DYSF: variants seen among roughly 807,000 people sequenced by gnomAD.
The protein encoded by DYSF is dysferlin, also known as dystrophy-associated fer-1-like 1.
Under a neutral mutation model 274.9 loss-of-function variants are expected in DYSF, and 212 were observed. The ratio of observed to expected loss-of-function variants is 0.77; its 90% CI spans 0.69 to 0.86. DYSF has a LOEUF of 0.86. Ranked by LOEUF, DYSF falls within the 40% of genes least tolerant of loss-of-function variation. The pLI is 0.00. For synonymous variants in DYSF, 1,091 were observed against 1,078.7 expected (o/e 1.01, Z -0.22); for missense variants, 2,666 against 2,783.2 (o/e 0.96, Z 0.95).
intron 30 of DYSF, among the ~76,000 whole-genome samples, chr2:71,582,495 A>G (rs980971846): frequency 6.6e-6 from 1 of 152,124 alleles, no homozygotes; most frequent in Non-Finnish European, 1.5e-5. Flanking sequence ...GAAAAATTTT[A>G]TGGATAATGG....
intron 3 of DYSF, among the ~76,000 whole-genome samples, chr2:71,496,709 G>A (rs558520287): frequency 1.3e-5 from 2 of 152,114 alleles, no homozygotes; most frequent in South Asian, 4.1e-4. Context: ...TGGTAAGTGA[G>A]GAGTCCTTTA....
chr2:71,490,845 T>C (rs1337525114), intron 3 of DYSF, among the ~76,000 whole-genome samples: 1 of 152,244 alleles, frequency 6.6e-6, no homozygotes, highest in Non-Finnish European at 1.5e-5. Flanking sequence ...TTTACCCCAC[T>C]GTACTCTCAT....
At chr2:71,460,758 A>G (rs2081249304) in intron 1 of DYSF, among the ~76,000 whole-genome samples, 1 of 151,720 alleles carries the variant, frequency 6.6e-6, no homozygotes, top group Middle Eastern at 3.2e-3. Flanking sequence ...ATGTGGGGAG[A>G]CCCTTTTCCT....
chr2:71,512,387 A>G (rs995689791), intron 5 of DYSF, among the ~76,000 whole-genome samples: 1 of 152,168 alleles, frequency 6.6e-6, no homozygotes, highest in Non-Finnish European at 1.5e-5. Context: ...AGAGCCCTGA[A>G]CTGAACTTCA....
At chr2:71,553,697 A>C in intron 20 of DYSF, 110 bp from the exon 21 acceptor site, 1 of 1,224,238 alleles carries the variant, frequency 8.2e-7, no homozygotes, top group South Asian at 1.3e-5. Context: ...TCCCTTTCCC[A>C]GCTCTGCCAG....
chr2:71,493,315 A>G (rs1410653507), intron 3 of DYSF, among the ~76,000 whole-genome samples: 1 of 152,108 alleles, frequency 6.6e-6, no homozygotes, highest in African/African-American at 2.4e-5. Context: ...TGTGGTCCAT[A>G]TTGAATTTAG....
rs778185705 is a variant in DYSF, at chr2:71,644,027, C to T, written c.4590C>T (p.Cys1530=). 28 of 1,611,896 alleles carry T rather than the reference C, an allele frequency of 1.7e-5. No individual in the cohort carries two copies. Among genetic ancestry groups the T allele is most frequent in the Middle Eastern group, 1.6e-4 (1 of 6,074 alleles). ...FFASIGEREK[C]GSYLEKDFDT... Reference sequence around the variant, plus strand: ...CCTCCATAGGGGAGAGGGAAAAGTGCGGCTCCTACCTGGAGAAGGATTTTG... The same window carrying T: ...CCTCCATAGGGGAGAGGGAAAAGTGTGGCTCCTACCTGGAGAAGGATTTTG... The change falls in exon 42 of 56, where the codon TGC becomes TGT. Residue 1530 remains cysteine, a synonymous_variant. Coordinates refer to ENST00000410020, the MANE Select transcript of DYSF (RefSeq NM_001130987.2).
chr2:71,527,696 C>T (rs1426527139), intron 13 of DYSF, among the ~76,000 whole-genome samples: 29 of 152,166 alleles, frequency 1.9e-4, no homozygotes, highest in Non-Finnish European at 2.9e-5. Flanking sequence ...TATCCCCCTC[C>T]ACTTACTTAC....
At chr2:71,589,083 G>GCCTGAGCCTTGCTCAC (rs1281159595) in intron 30 of DYSF, among the ~76,000 whole-genome samples, 3 of 152,210 alleles carry the variant, frequency 2.0e-5, no homozygotes, top group Non-Finnish European at 2.9e-5. Context: ...TCTGTCCTCA[G>GCCTGAGCCTTGCTCAC]CCTGAGCCTT....
chr2:71,456,946 T>G (rs1255391711), intron 1 of DYSF, among the ~76,000 whole-genome samples: 1 of 152,000 alleles, frequency 6.6e-6, no homozygotes, highest in East Asian at 1.9e-4. Context: ...AGAAGCTGAG[T>G]CAGAGTAGGG....
chr2:71,589,455 A>G (rs925042194), intron 30 of DYSF, 138 bp from the exon 31 acceptor site: 4 of 723,580 alleles, frequency 5.5e-6, no homozygotes, highest in African/African-American at 1.7e-5. Flanking sequence ...GCTCCCCAGA[A>G]TGAAATTAGA....
At chr2:71,666,227 C>T (rs1304119471) in intron 47 of DYSF, among the ~76,000 whole-genome samples, 5 of 152,200 alleles carry the variant, frequency 3.3e-5, no homozygotes, top group Non-Finnish European at 7.3e-5. Context: ...GGCCATGGCT[C>T]ATGGTCATAA....
chr2:71,609,180 C>A (rs577075547), intron 36 of DYSF, among the ~76,000 whole-genome samples: 1 of 152,334 alleles, frequency 6.6e-6, no homozygotes, highest in South Asian at 2.1e-4. Flanking sequence ...CTGCCTCCAT[C>A]CTCCAAGGGC....
At chr2:71,677,849 C>A (rs1438120658) in intron 52 of DYSF, among the ~76,000 whole-genome samples, 1 of 152,072 alleles carries the variant, frequency 6.6e-6, no homozygotes, top group Non-Finnish European at 1.5e-5. Flanking sequence ...TGTGTGTGTA[C>A]CCCAAAGAAT....
chr2:71,558,828 A>T (rs950876550), intron 22 of DYSF, among the ~76,000 whole-genome samples: 2 of 152,100 alleles, frequency 1.3e-5, no homozygotes, highest in Non-Finnish European at 2.9e-5. Flanking sequence ...CTGGGGGGGA[A>T]TTCCAGGCAG....
rs147886481 is a variant in DYSF, at chr2:71,574,198, C to T, written c.3229C>T (p.His1077Tyr). 1 of 1,613,394 alleles carries T rather than the reference C, an allele frequency of 6.2e-7. No individual in the cohort carries two copies. Among genetic ancestry groups the T allele is most frequent in the African/African-American group, 1.3e-5 (1 of 74,934 alleles). ...TGAGTCTGCCCCTTCTCTTGTGCAG[C>T]ACAGGCAGGCGGAGGCGGAGGGCGA... is the stretch of plus-strand genomic sequence containing the variant. ...DLSQMEALKRHRQAEAEGEGW... is the reference protein window; with the variant it reads ...DLSQMEALKRYRQAEAEGEGW... Residue 1077 changes from histidine to tyrosine, a missense_variant and splice_region_variant, in exon 30 of 56, where the codon CAC becomes TAC. Coordinates refer to ENST00000410020, the MANE Select transcript of DYSF (RefSeq NM_001130987.2).
rs1413988598 is a variant in DYSF at position 71,564,136 on chromosome 2, C to T, written c.2488C>T (p.His830Tyr). 1.2e-6 allele frequency: 2 copies of T among 1,614,276 alleles called. No homozygotes were observed. Among genetic ancestry groups the T allele is most frequent in the African/African-American group, 1.3e-5 (1 of 75,076 alleles). Residue 830 changes from histidine (H) to tyrosine (Y), a missense_variant, in exon 24 of 56, where the codon CAC becomes TAC. Transcript: ENST00000410020. ...KRVAYQRVPA[H>Y]QVLFSRRGAN... ...TGTGGCATACCAGCGGGTGCCCGCC[C>T]ACCAAGTCCTCTTCTCCCGGCGGGG...
intron 1 of DYSF, among the ~76,000 whole-genome samples, chr2:71,469,706 A>G (rs942125026): frequency 6.6e-6 from 1 of 152,182 alleles, no homozygotes; most frequent in African/African-American, 2.4e-5. Context: ...AAGCACCTCT[A>G]TTAATAGTAG....
chr2:71,583,043 CAAAAAAAAAA>C (rs143738269), intron 30 of DYSF, among the ~76,000 whole-genome samples: 8 of 49,934 alleles, frequency 1.6e-4, no homozygotes, highest in African/African-American at 3.3e-4. Context: ...GACTCCATCT[CAAAAAAAAAA>C]AAAAAAAAAA....
Sources: allele counts gnomAD v4.1 joint callset (sites outside exome capture counted in the v4.1 genomes callset), GRCh38; gene constraint gnomAD v4.1.1; transcripts MANE v1.5; gene names NCBI Gene and HGNC (gene_info 2026-07-23, HGNC 2026-07-21).